Variants in NPAS3 observed in about 807,000 individuals in gnomAD.
NPAS3 encodes neuronal PAS domain-containing protein 3.
NPAS3 carries 14 observed loss-of-function variants against 73.1 expected under a neutral mutation model. The observed-to-expected ratio is 0.19, with a 90% CI of 0.13 to 0.30. The LOEUF is 0.30. NPAS3 is among the 10% of genes least tolerant of loss of function. NPAS3 has a pLI of 1.00. For synonymous variants in NPAS3, 620 were observed against 541.5 expected, an observed-to-expected ratio of 1.14 and a Z score of -2.01; for missense variants, 1,096 against 1,250.0, an observed-to-expected ratio of 0.88 and a Z score of 1.86.
intron 4 of NPAS3, among the ~76,000 whole-genome samples, chr14:33,384,397 G>T (rs1193840305): frequency 2.0e-5 from 3 of 150,132 alleles, no homozygotes; most frequent in African/African-American, 4.9e-5. Context: ...GTGTGTGTGT[G>T]TTTTTAATGT....
At chr14:33,712,238 C>G (rs939539542) in intron 6 of NPAS3, among the ~76,000 whole-genome samples, 4 of 152,122 alleles carry the variant, frequency 2.6e-5, no homozygotes, top group African/African-American at 9.7e-5. Context: ...TGCTTCTGTA[C>G]CACGTTCTAG....
At chr14:33,199,056 G>A (rs967471718) in intron 2 of NPAS3, among the ~76,000 whole-genome samples, 2 of 152,168 alleles carry the variant, frequency 1.3e-5, no homozygotes, top group East Asian at 1.9e-4. Flanking sequence ...CCGAGCCCAC[G>A]CCCACCTGGA....
At chr14:33,524,893 T>C (rs2053726871) in intron 4 of NPAS3, among the ~76,000 whole-genome samples, 1 of 152,148 alleles carries the variant, frequency 6.6e-6, no homozygotes, top group South Asian at 2.1e-4. Context: ...CTTCTTTTTA[T>C]ATAGAAACAG....
chr14:33,468,623 T>C (rs912570640), intron 4 of NPAS3, among the ~76,000 whole-genome samples: 14 of 152,218 alleles, frequency 9.2e-5, no homozygotes, highest in Admixed American at 3.3e-4. Context: ...GTTTAACTCA[T>C]ACTCTTTCTG....
At chr14:33,661,161 A>T (rs188321010) in intron 5 of NPAS3, among the ~76,000 whole-genome samples, 2 of 151,700 alleles carry the variant, frequency 1.3e-5, no homozygotes, top group African/African-American at 4.8e-5. Flanking sequence ...GACAGTAGGG[A>T]TTATGGCTTT....
downstream of NPAS3, chr14:33,801,368 T>G (rs547335635): frequency 1.3e-5 from 7 of 557,204 alleles, no homozygotes; most frequent in Non-Finnish European, 2.1e-5. Flanking sequence ...TTGGGTTGTT[T>G]TGCTTTCCTT....
intron 4 of NPAS3, among the ~76,000 whole-genome samples, chr14:33,482,579 C>T (rs761928656): frequency 2.2e-4 from 34 of 152,044 alleles, no homozygotes; most frequent in Non-Finnish European, 4.3e-4. Flanking sequence ...ACTCTAAAAC[C>T]CGAATTTTCA....
chr14:33,624,548 G>A (rs1211476039), intron 5 of NPAS3, among the ~76,000 whole-genome samples: 3 of 151,120 alleles, frequency 2.0e-5, no homozygotes, highest in Non-Finnish European at 4.4e-5. Context: ...TGCCCCCAAA[G>A]CACTTGGGAA....
intron 2 of NPAS3, among the ~76,000 whole-genome samples, chr14:33,202,673 AAAAT>A (rs1233093514): frequency 6.6e-6 from 1 of 151,236 alleles, no homozygotes; most frequent in African/African-American, 2.4e-5. Flanking sequence ...ATTTTTATTT[AAAAT>A]AAAAAACAAT....
chr14:33,528,710 T>C (rs1355051575), intron 4 of NPAS3, among the ~76,000 whole-genome samples: 2 of 152,088 alleles, frequency 1.3e-5, no homozygotes, highest in South Asian at 2.1e-4. Context: ...ACAGCGTCAG[T>C]GAGTCCTATA....
chr14:33,515,602 G>A (rs921552357), intron 4 of NPAS3, among the ~76,000 whole-genome samples: 8 of 152,044 alleles, frequency 5.3e-5, no homozygotes, highest in African/African-American at 7.2e-5. Context: ...TATCGCCCAC[G>A]AATCCTAAAA....
intron 4 of NPAS3, among the ~76,000 whole-genome samples, chr14:33,431,412 G>T (rs2048778364): frequency 6.6e-6 from 1 of 152,012 alleles, no homozygotes; most frequent in South Asian, 2.1e-4. Context: ...TATTGCTTTT[G>T]TTCACTTAAA....
At chr14:33,683,635 T>C (rs890730491) in intron 6 of NPAS3, among the ~76,000 whole-genome samples, 6 of 152,296 alleles carry the variant, frequency 3.9e-5, no homozygotes, top group African/African-American at 9.6e-5. Context: ...TTATGAAGGA[T>C]CAGTTACCTA....
intron 5 of NPAS3, among the ~76,000 whole-genome samples, chr14:33,587,618 C>T (rs971374110): frequency 6.6e-6 from 1 of 152,182 alleles, no homozygotes; most frequent in Non-Finnish European, 1.5e-5. Context: ...ATCAGGCCAT[C>T]AAAGAAACTC....
intron 4 of NPAS3, among the ~76,000 whole-genome samples, chr14:33,544,825 A>ATAAT (rs2054747723): frequency 0.026 from 2,935 of 111,406 alleles, 267 homozygotes; most frequent in African/African-American, 0.11. Flanking sequence ...TATATAATAT[A>ATAAT]TATGTGTATA....
At chr14:33,485,515 G>A (rs1177696150) in intron 4 of NPAS3, among the ~76,000 whole-genome samples, 1 of 152,036 alleles carries the variant, frequency 6.6e-6, no homozygotes, top group African/African-American at 2.4e-5. Flanking sequence ...TCAGCAAAAT[G>A]CAGACCTCTG....
At chr14:33,351,356 T>C (rs2045042973) in intron 3 of NPAS3, among the ~76,000 whole-genome samples, 1 of 152,110 alleles carries the variant, frequency 6.6e-6, no homozygotes, top group Non-Finnish European at 1.5e-5. Context: ...AATGCTGCAG[T>C]CTGTTTGGTT....
chr14:33,240,236 C>T (rs754978594), intron 3 of NPAS3, among the ~76,000 whole-genome samples: 1 of 151,770 alleles, frequency 6.6e-6, no homozygotes, highest in African/African-American at 2.4e-5. Context: ...AGCTGGAGCC[C>T]TTTGCAGTGT....
chr14:33,068,061 A>G (rs538034369), intron 2 of NPAS3, among the ~76,000 whole-genome samples: 2 of 152,336 alleles, frequency 1.3e-5, no homozygotes, highest in African/African-American at 2.4e-5. Context: ...AGTTTGGTTC[A>G]GATAAATACT....
Sources: gnomAD v4.1 joint callset for allele counts (sites outside exome capture counted in the v4.1 genomes callset) on GRCh38, gnomAD v4.1.1 for gene constraint, MANE v1.5 for transcripts, NCBI Gene and HGNC (gene_info 2026-07-23, HGNC 2026-07-21) for gene names.